CHORDC1: variants seen among roughly 807,000 people sequenced by gnomAD.
CHORDC1 encodes the protein cysteine and histidine rich domain containing 1.
CHORDC1 carries 25 observed loss-of-function variants against 48.3 expected under a neutral mutation model. The ratio of observed to expected loss-of-function variants is 0.52; its 90% CI spans 0.38 to 0.72. The LOEUF is 0.72. Among genes scored for constraint, CHORDC1 ranks in the 30% least tolerant of loss-of-function variants. The probability of loss-of-function intolerance (pLI) is 0.00; values close to 1 mark genes in which losing one functional copy is unlikely to be tolerated. For synonymous variants in CHORDC1, 128 were observed against 126.4 expected, an observed-to-expected ratio of 1.01 and a Z score of -0.09; for missense variants, 317 against 388.7, an observed-to-expected ratio of 0.82 and a Z score of 1.55.
rs770728927 is a variant in CHORDC1 at position 90,203,372 on chromosome 11, G to T, written c.725C>A (p.Thr242Asn). 7.5e-6 allele frequency: 12 copies of T among 1,597,938 alleles called. No homozygotes were observed. The change falls in exon 9 of 11, where the codon ACC becomes AAC. Residue 242 changes from threonine to asparagine, a missense_variant. Coordinates refer to ENST00000320585, the MANE Select transcript of CHORDC1 (RefSeq NM_012124.3). ...TGAGTTTTTAGCATATACTGAAATG[G>T]TAACTTCACCTCCAGTCTGATGCCA... ...HDWHQTGGEV[T>N]ISVYAKNSLP... is the part of the protein sequence containing the mutation.
chr11:90,205,365 T>G, intron 8 of CHORDC1, 95 bp downstream of exon 8: 1 of 871,194 alleles, frequency 1.1e-6, no homozygotes, highest in African/African-American at 1.7e-5. Context: ...AAGAAAACTT[T>G]TTTTTAAAAT....
intron 10 of CHORDC1, 54 bp from the exon 11 acceptor site, chr11:90,202,605 G>C: frequency 6.3e-7 from 1 of 1,577,048 alleles, no homozygotes; most frequent in Non-Finnish European, 8.7e-7. Context: ...ATTAGTCTCA[G>C]AGGAAAACAT....
intron 1 of CHORDC1, among the ~76,000 whole-genome samples, chr11:90,219,674 G>A (rs763005209): frequency 1.3e-5 from 2 of 152,142 alleles, no homozygotes; most frequent in Non-Finnish European, 2.9e-5. Context: ...TTTATTTCCC[G>A]TAAGGAATAC....
At chr11:90,204,001 A>G (rs1233172445) in intron 8 of CHORDC1, among the ~76,000 whole-genome samples, 1 of 152,118 alleles carries the variant, frequency 6.6e-6, no homozygotes, top group East Asian at 1.9e-4. Context: ...CTGCCCTACC[A>G]GTATTTTTTT....
At chr11:90,210,724 A>G (rs538557269) in intron 5 of CHORDC1, 130 bp from the exon 6 acceptor site, 1 of 631,566 alleles carries the variant, frequency 1.6e-6, no homozygotes, top group Admixed American at 2.9e-5. Flanking sequence ...ATTTGCTTAT[A>G]TCCCCAAATT....
rs974631620 is a variant in CHORDC1, at chr11:90,203,020, C to T, written c.790-145G>A. On this transcript the variant is annotated intron_variant, in intron 9 of 10. Coordinates refer to ENST00000320585, the MANE Select transcript of CHORDC1 (RefSeq NM_012124.3). ...ACTGTATTGTTTCATATGAGAAAAG[C>T]CACTGACAAAAAAGAATAACTGGCT... 6 of 1,102,778 alleles carry T rather than the reference C, an allele frequency of 5.4e-6. No homozygotes were observed. In the Admixed American group the frequency reaches 1.7e-4, roughly 31 times the overall value. The allele number at this position is 1,102,778 out of a possible 1,614,324, so 68.3% of individuals were successfully genotyped here. A position where few individuals can be genotyped will look rare whatever the true frequency, so the allele number is the denominator to read the frequency against.
chr11:90,205,465 CT>C lies in CHORDC1; in HGVS notation c.663del (p.Asp222MetfsTer36), dbSNP rs1361626211. 4.4e-6 allele frequency: 7 copies of C among 1,583,646 alleles called. No individual in the cohort carries two copies. Among genetic ancestry groups the C allele is most frequent in the East Asian group, 2.2e-5 (1 of 44,622 alleles). ...TTTTTGGAAGAGTTACTTACAGCAT[CT>C]TTTTTAGTCCACATGTGTTTCCCTT... ...CTKGKHMWTK[K>X]DAGKKVVPCR... On this transcript the variant is annotated frameshift_variant, in exon 8 of 11. Coordinates refer to ENST00000320585, the MANE Select transcript of CHORDC1 (RefSeq NM_012124.3). LOFTEE classifies it high-confidence loss of function.
chr11:90,202,669 T>G, intron 10 of CHORDC1, 118 bp from the exon 11 acceptor site: 7 of 1,386,214 alleles, frequency 5.0e-6, no homozygotes, highest in Non-Finnish European at 6.9e-6. Context: ...GCCTCTTTTA[T>G]ATCTAGTCTT....
rs1465743600 is a variant in CHORDC1, at chr11:90,202,512, T to C, written c.892A>G (p.Thr298Ala). 1.9e-6 allele frequency: 3 copies of C among 1,613,258 alleles called. No homozygotes were observed. The highest frequency in any genetic ancestry group is 1.3e-5 in the African/African-American group (1 of 74,912). Residue 298 changes from threonine to alanine, a missense_variant, in exon 11 of 11, where the codon ACA becomes GCA. Physicochemically the swap from Thr to Ala is moderately conservative, Grantham distance 58 (BLOSUM62 0). Transcript: ENST00000320585. ...VKRSYVTMTATKIEITMRKAE... is the reference protein window; with the variant it reads ...VKRSYVTMTAAKIEITMRKAE... The stretch of plus-strand genomic sequence containing the variant: ...TTTCTCATAGTGATTTCAATCTTTG[T>C]TGCAGTCATAGTTACATAACTTCGC...
chr11:90,222,602 TA>T, intron 1 of CHORDC1: 1 of 636,398 alleles, frequency 1.6e-6, no homozygotes, highest in Non-Finnish European at 2.9e-6. Flanking sequence ...CCAGGCGACT[TA>T]AAAGGAGTGC....
Position 90,208,210 on chromosome 11 carries a change from T to A in CHORDC1, c.493-1938A>T, listed in dbSNP as rs1419729679. The A allele has an allele frequency of 3.3e-5, 5 of 152,150 alleles. No individual in the cohort carries two copies. The East Asian group carries it at 5.8e-4, about 18-fold the overall frequency. The allele number at this position is 152,150 out of a possible 1,614,324, so 9.4% of individuals were successfully genotyped here. ...ACTTTGGGAGGCCGAGGCGGGTGGA[T>A]CACCTGAGGTTCAGGAGTTTGAGAC... On this transcript the variant is annotated intron_variant, in intron 6 of 10. Transcript: ENST00000320585.
chr11:90,204,785 T>G lies in CHORDC1; in HGVS notation c.669+675A>C, dbSNP rs183037718. 1.3e-3 allele frequency among the ~76,000 whole-genome samples: 202 copies of G among 152,128 alleles called. 6 individuals carry two copies. In the East Asian group the frequency reaches 0.026, roughly 20 times the overall value. On this transcript the variant is annotated intron_variant, in intron 8 of 10. Coordinates refer to ENST00000320585, the MANE Select transcript of CHORDC1 (RefSeq NM_012124.3). ...GAAATCTCTAAATTAATTTGAAAAT[T>G]TAATACATTATAAAATACATTAACA...
At chr11:90,211,435 T>G (rs1298632855) in intron 4 of CHORDC1, 117 bp from the exon 5 acceptor site, 1 of 694,966 alleles carries the variant, frequency 1.4e-6, no homozygotes, top group African/African-American at 1.8e-5. Context: ...ATCAAATGAT[T>G]CCCATTAAAA....
At chr11:90,222,631 C>T (rs1177622326) in intron 1 of CHORDC1, 1 of 677,462 alleles carries the variant, frequency 1.5e-6, no homozygotes, top group South Asian at 1.5e-5. Context: ...ACGGGGGAAA[C>T]ACGTGGATCC....
At chr11:90,221,652 G>A (rs1858174866) in intron 1 of CHORDC1, among the ~76,000 whole-genome samples, 1 of 152,122 alleles carries the variant, frequency 6.6e-6, no homozygotes, top group Non-Finnish European at 1.5e-5. Context: ...ATCGTTTCTC[G>A]ATTTTGTCAT....
Position 90,207,082 on chromosome 11 carries a change from C to A in CHORDC1, c.493-810G>T, listed in dbSNP as rs768380562. On this transcript the variant is annotated intron_variant, in intron 6 of 10. Transcript: ENST00000320585. ...ATATTATTTGATGGCACCGTACAGA[C>A]TCAGTTTCTCAAAGCAAAATCCATT... is the stretch of plus-strand genomic sequence containing the variant. The A allele has an allele frequency of 3.7e-5, 8 of 214,750 alleles. No individual in the cohort carries two copies. In the South Asian group the frequency reaches 4.0e-4, roughly 11 times the overall value. The allele number at this position is 214,750 out of a possible 1,614,324, so 13.3% of individuals were successfully genotyped here. A position where few individuals can be genotyped will look rare whatever the true frequency, so the allele number is the denominator to read the frequency against.
At chr11:90,212,631 T>G (rs1041886903) in intron 4 of CHORDC1, 3 of 152,056 alleles carry the variant, frequency 2.0e-5, no homozygotes, top group Admixed American at 2.0e-4. Flanking sequence ...ATGTAAAAAC[T>G]GATATCCTCA....
intron 4 of CHORDC1, 148 bp from the exon 5 acceptor site, chr11:90,211,466 A>G: frequency 1.7e-6 from 1 of 592,658 alleles, no homozygotes; most frequent in South Asian, 1.9e-5. Flanking sequence ...TATTTTATAA[A>G]TAATTGTTAC....
At chr11:90,219,870 A>G (rs528002126) in intron 1 of CHORDC1, among the ~76,000 whole-genome samples, 1 of 152,188 alleles carries the variant, frequency 6.6e-6, no homozygotes, top group East Asian at 1.9e-4. Context: ...AAATCAGGTA[A>G]CAGTCAGCTT....
Sources: gnomAD v4.1 joint callset for allele counts (sites outside exome capture counted in the v4.1 genomes callset) on GRCh38, gnomAD v4.1.1 for gene constraint, MANE v1.5 for transcripts, NCBI Gene and HGNC (gene_info 2026-07-23, HGNC 2026-07-21) for gene names.